The following ZNF385D variants were observed in gnomAD, a reference collection of about 807,000 sequenced individuals.
ZNF385D encodes the protein zinc finger protein 659.
ZNF385D carries 15 observed loss-of-function variants against 35.8 expected under a neutral mutation model. The observed-to-expected ratio is 0.42, with a 90% CI of 0.28 to 0.64. The LOEUF (loss-of-function observed/expected upper bound fraction) is 0.64, where lower values mean the gene tolerates loss of function less well. ZNF385D is among the 30% of genes least tolerant of loss of function. ZNF385D has a pLI of 0.23. For synonymous variants in ZNF385D, 212 were observed against 186.8 expected (o/e 1.13, Z -1.10); for missense variants, 474 against 494.6 (o/e 0.96, Z 0.39).
At chr3:21,833,287 C>A (rs1695117606) in intron 3 of ZNF385D, among the ~76,000 whole-genome samples, 1 of 152,128 alleles carries the variant, frequency 6.6e-6, no homozygotes. Context: ...GCTATTATTA[C>A]TTCATATGGC....
chr3:22,230,886 G>A (rs188481380), intron 2 of ZNF385D, among the ~76,000 whole-genome samples: 58 of 152,262 alleles, frequency 3.8e-4, no homozygotes, highest in Non-Finnish European at 6.9e-4. Flanking sequence ...AGTCATTAGA[G>A]AAATAACTCA....
chr3:22,361,430 T>C (rs1696403330), intron 2 of ZNF385D, among the ~76,000 whole-genome samples: 1 of 152,080 alleles, frequency 6.6e-6, no homozygotes, highest in South Asian at 2.1e-4. Context: ...AAGGACCACA[T>C]CAAGGTACAA....
At chr3:22,104,975 C>G (rs576911290) in intron 3 of ZNF385D, among the ~76,000 whole-genome samples, 1 of 152,084 alleles carries the variant, frequency 6.6e-6, no homozygotes, top group Admixed American at 6.6e-5. Flanking sequence ...TTTACATTGA[C>G]CCAGTATTAT....
intron 3 of ZNF385D, among the ~76,000 whole-genome samples, chr3:21,845,782 G>A (rs756391433): frequency 1.3e-5 from 2 of 151,986 alleles, no homozygotes; most frequent in Non-Finnish European, 2.9e-5. Flanking sequence ...GAGCTTCTAA[G>A]AATCAACGTC....
chr3:22,295,160 A>T (rs1008056051), intron 2 of ZNF385D, among the ~76,000 whole-genome samples: 5 of 152,178 alleles, frequency 3.3e-5, no homozygotes, highest in African/African-American at 1.2e-4. Context: ...ATAACAATAA[A>T]TTCTTTCTCT....
At chr3:21,542,040 T>C (rs1020028975) in intron 3 of ZNF385D, among the ~76,000 whole-genome samples, 1 of 152,230 alleles carries the variant, frequency 6.6e-6, no homozygotes. Flanking sequence ...AATTTGGGGA[T>C]GTTTGACAAT....
At chr3:21,560,284 A>G (rs1222878703) in intron 3 of ZNF385D, among the ~76,000 whole-genome samples, 1 of 152,102 alleles carries the variant, frequency 6.6e-6, no homozygotes, top group African/African-American at 2.4e-5. Flanking sequence ...GTTTCTCCCC[A>G]TCTTCGTGGA....
chr3:21,442,672 T>C (rs1008800269), intron 4 of ZNF385D, among the ~76,000 whole-genome samples: 3 of 151,666 alleles, frequency 2.0e-5, no homozygotes, highest in Non-Finnish European at 4.4e-5. Context: ...GTGGGCTTTT[T>C]TTTTTTTCTT....
intron 3 of ZNF385D, among the ~76,000 whole-genome samples, chr3:22,073,722 A>C (rs1419753678): frequency 1.3e-5 from 2 of 151,966 alleles, no homozygotes; most frequent in Non-Finnish European, 2.9e-5. Flanking sequence ...GGGGTTGGAC[A>C]GTTTGTATTA....
chr3:21,768,159 T>C (rs1047964953), intron 3 of ZNF385D, among the ~76,000 whole-genome samples: 17 of 152,072 alleles, frequency 1.1e-4, no homozygotes, highest in Admixed American at 3.9e-4. Flanking sequence ...ATTCCTGTCA[T>C]GGGACTTAAT....
intron 3 of ZNF385D, among the ~76,000 whole-genome samples, chr3:21,947,623 T>C (rs920973057): frequency 3.3e-5 from 5 of 152,326 alleles, no homozygotes; most frequent in African/African-American, 1.2e-4. Context: ...GTGCTGGGAT[T>C]CCAGGCGTGA....
In ZNF385D at chr3:22,221,117, G is replaced by A. The variant is rs1486568595; in HGVS notation, c.107-52082C>T. On this transcript the variant is annotated intron_variant, in intron 2 of 5. Transcript: ENST00000494108. The stretch of plus-strand genomic sequence containing the variant: ...ATCTAGTTGGCAGTGATGTATGTGT[G>A]CGAGTGTGTGTGTGTTTGTGTATCT... 2.0e-5 allele frequency among the ~76,000 whole-genome samples: 3 copies of A among 152,076 alleles called. No individual in the cohort carries two copies. In the East Asian group the frequency reaches 5.8e-4, roughly 29 times the overall value.
At chr3:22,142,950 C>A (rs1439356824) in intron 3 of ZNF385D, among the ~76,000 whole-genome samples, 2 of 151,848 alleles carry the variant, frequency 1.3e-5, no homozygotes, top group Non-Finnish European at 2.9e-5. Context: ...TTGTAGTTTC[C>A]TTTTTCACTG....
intron 4 of ZNF385D, among the ~76,000 whole-genome samples, chr3:21,509,550 A>G (rs1366263233): frequency 6.6e-6 from 1 of 152,226 alleles, no homozygotes; most frequent in Non-Finnish European, 1.5e-5. Context: ...TGGATAACAA[A>G]GAAGTGAATA....
At chr3:22,237,736 C>G (rs1170975029) in intron 2 of ZNF385D, among the ~76,000 whole-genome samples, 2 of 152,138 alleles carry the variant, frequency 1.3e-5, no homozygotes, top group Non-Finnish European at 2.9e-5. Context: ...CTCCGCCTCA[C>G]AGGTTCAAGC....
At chr3:22,245,213 A>G (rs1197118391) in intron 2 of ZNF385D, among the ~76,000 whole-genome samples, 2 of 152,140 alleles carry the variant, frequency 1.3e-5, no homozygotes, top group Admixed American at 6.5e-5. Flanking sequence ...AGATTGCCCA[A>G]TATAAATTTT....
chr3:22,228,925 C>CA (rs1293287806), intron 2 of ZNF385D, among the ~76,000 whole-genome samples: 1 of 152,200 alleles, frequency 6.6e-6, no homozygotes, highest in Non-Finnish European at 1.5e-5. Flanking sequence ...ATTGTTTGCC[C>CA]AGGAGCTCTT....
At chr3:21,981,498 CCT>C (rs1694448823) in intron 3 of ZNF385D, among the ~76,000 whole-genome samples, 1 of 152,012 alleles carries the variant, frequency 6.6e-6, no homozygotes, top group African/African-American at 2.4e-5. Context: ...GCAAAAATTT[CCT>C]CTCATTCCGT....
At chr3:22,121,925 A>C (rs1703108723) in intron 3 of ZNF385D, among the ~76,000 whole-genome samples, 1 of 152,092 alleles carries the variant, frequency 6.6e-6, no homozygotes, top group South Asian at 2.1e-4. Flanking sequence ...CAAGGGGCTA[A>C]TCTTAAGACA....
Sources: gnomAD v4.1 joint callset for allele counts (sites outside exome capture counted in the v4.1 genomes callset) on GRCh38, gnomAD v4.1.1 for gene constraint, MANE v1.5 for transcripts, NCBI Gene and HGNC (gene_info 2026-07-23, HGNC 2026-07-21) for gene names.